WASF2: variants seen among roughly 807,000 people sequenced by gnomAD.
WASF2 encodes the protein actin-binding protein WASF2.
In WASF2, 14 loss-of-function variants were observed where a neutral mutation model predicts 45.0. The ratio of observed to expected loss-of-function variants is 0.31; its 90% CI spans 0.21 to 0.49. The LOEUF (loss-of-function observed/expected upper bound fraction) is 0.49, where lower values mean the gene tolerates loss of function less well. Ranked by LOEUF, WASF2 falls within the 20% of genes least tolerant of loss-of-function variation. WASF2 has a pLI of 0.99. For missense variants in WASF2, 439 were observed against 636.1 expected (o/e 0.69, Z 3.33); for synonymous variants, 200 against 236.3 (o/e 0.85, Z 1.41).
At chr1:27,445,407 A>G (rs369507583) in intron 1 of WASF2, among the ~76,000 whole-genome samples, 3 of 152,288 alleles carry the variant, frequency 2.0e-5, no homozygotes, top group African/African-American at 7.2e-5. Context: ...TCTATGCAAA[A>G]CACCCAAACT....
intron 1 of WASF2, among the ~76,000 whole-genome samples, 178 bp from the exon 2 acceptor site, chr1:27,429,111 CT>C (rs1175966693): frequency 6.7e-6 from 1 of 150,346 alleles, no homozygotes; most frequent in East Asian, 2.0e-4. Context: ...CTCCCTTGCC[CT>C]TTTTAAGGTT....
chr1:27,469,816 C>A (rs912986699), intron 1 of WASF2, among the ~76,000 whole-genome samples: 2 of 152,006 alleles, frequency 1.3e-5, no homozygotes, highest in South Asian at 2.1e-4. Context: ...GTGGTGTGCA[C>A]CTGTAGTCCC....
intron 2 of WASF2, among the ~76,000 whole-genome samples, chr1:27,427,766 T>C (rs1231342425): frequency 6.6e-6 from 1 of 152,158 alleles, no homozygotes; most frequent in Non-Finnish European, 1.5e-5. Context: ...CTGCCTTCAC[T>C]AAGGGCAGTG....
At chr1:27,440,207 G>T (rs938871189) in intron 1 of WASF2, among the ~76,000 whole-genome samples, 3 of 152,122 alleles carry the variant, frequency 2.0e-5, no homozygotes, top group Non-Finnish European at 2.9e-5. Flanking sequence ...GCCACTGATT[G>T]AAAGAGGCAT....
chr1:27,479,060 G>A (rs1463551995), intron 1 of WASF2, among the ~76,000 whole-genome samples: 1 of 152,018 alleles, frequency 6.6e-6, no homozygotes, highest in African/African-American at 2.4e-5. Context: ...GCCGAGGTGG[G>A]TGAATCACAA....
chr1:27,461,116 A>G (rs1442085770), intron 1 of WASF2, among the ~76,000 whole-genome samples: 4 of 152,196 alleles, frequency 2.6e-5, no homozygotes, highest in African/African-American at 9.6e-5. Flanking sequence ...ACTGCACTCC[A>G]GCCTGGGTGA....
chr1:27,412,755 G>C (rs758706369), intron 6 of WASF2, 28 bp from the exon 7 acceptor site: 4 of 1,612,946 alleles, frequency 2.5e-6, no homozygotes, highest in Admixed American at 1.7e-5. Context: ...GCCAAAAACT[G>C]TCATTTAAAG....
intron 1 of WASF2, among the ~76,000 whole-genome samples, chr1:27,471,917 A>C (rs546931989): frequency 5.3e-5 from 8 of 152,286 alleles, no homozygotes; most frequent in Non-Finnish European, 7.4e-5. Context: ...TTAGCGACCT[A>C]CCTAGTAGTT....
At chr1:27,484,648 A>T (rs984210529) in intron 1 of WASF2, among the ~76,000 whole-genome samples, 7 of 151,946 alleles carry the variant, frequency 4.6e-5, no homozygotes, top group African/African-American at 1.7e-4. Context: ...TCTACTAAAA[A>T]TACAAAACAA....
intron 2 of WASF2, among the ~76,000 whole-genome samples, chr1:27,422,483 T>C (rs1290489532): frequency 6.6e-6 from 1 of 151,266 alleles, no homozygotes; most frequent in Non-Finnish European, 1.5e-5. Context: ...GCCAGGCGTG[T>C]TGGTGGGCGC....
Position 27,410,068 on chromosome 1 carries a change from G to C in WASF2, c.963C>G (p.Ala321=). ...TCATTGGAGGCGGAGGTGGCGGAGG[G>C]GCAGGTGGTGGAGCAAACCCGGGTT... ...GPKPGFAPPP[A]PPPPPPPMIG... is the part of the protein sequence containing the mutation. Residue 321 remains alanine (A), a synonymous_variant, in exon 8 of 9, where the codon GCC becomes GCG. Transcript: ENST00000618852. The surrounding 1 kb of genome is among the most constrained non-coding windows in gnomAD (Gnocchi z 4.2). 6 of 1,613,158 alleles carry C rather than the reference G, an allele frequency of 3.7e-6. No homozygotes were observed. Among genetic ancestry groups the C allele is most frequent in the Non-Finnish European group, 5.1e-6 (6 of 1,179,494 alleles).
chr1:27,454,133 ATATGTGTG>A (rs2017425196), intron 1 of WASF2, among the ~76,000 whole-genome samples: 1 of 6,728 alleles, frequency 1.5e-4, no homozygotes, highest in African/African-American at 3.0e-4. Context: ...GTGTATATAT[ATATGTGTG>A]TGTGTGTGTG....
At position 27,404,259 on chromosome 1, in the gene WASF2, T is replaced by G. The variant is rs2016630412; in HGVS notation, c.*3930A>C. 1 of 152,226 alleles carries G rather than the reference T, an allele frequency of 6.6e-6. No individual in the cohort carries two copies. The highest frequency in any genetic ancestry group is 1.5e-5 in the Non-Finnish European group (1 of 68,050). 9.4% of individuals were successfully genotyped at this position (152,226 alleles called of 1,614,324 possible). A position where few individuals can be genotyped will look rare whatever the true frequency, so the allele number is the denominator to read the frequency against. On this transcript the variant is annotated 3_prime_UTR_variant, in exon 9 of 9. Transcript: ENST00000618852. ...TGGCTACAAAGACTTTATCAAATTA[T>G]TTTAAATGTTGGCATTTAAGTATTC...
chr1:27,428,450 G>C (rs896396770), intron 2 of WASF2, among the ~76,000 whole-genome samples: 1 of 152,196 alleles, frequency 6.6e-6, no homozygotes, highest in Non-Finnish European at 1.5e-5. Context: ...TACACACACA[G>C]AATTCTGCTC....
In WASF2 at chr1:27,428,980, G is replaced by A. The variant is rs2017024822; in HGVS notation, c.-43-47C>T. On this transcript the variant is annotated intron_variant, in intron 1 of 8. Transcript: ENST00000618852. The stretch of plus-strand genomic sequence containing the variant: ...AGTATTACTCAACCACAAATTCCAG[G>A]CACACTAGGGCTGTGTGAATCTTTT... 4 of 1,428,328 alleles carry A rather than the reference G, an allele frequency of 2.8e-6. No homozygotes were observed. The South Asian group carries it at 4.9e-5, about 18-fold the overall frequency. The allele number at this position is 1,428,328 out of a possible 1,614,324, so 88.5% of individuals were successfully genotyped here.
intron 2 of WASF2, among the ~76,000 whole-genome samples, chr1:27,427,432 CAG>C (rs1385729278): frequency 1.3e-5 from 2 of 152,186 alleles, no homozygotes; most frequent in Non-Finnish European, 1.5e-5. Context: ...CAGAGAGAGA[CAG>C]AGAGAGGCAG....
In WASF2 at chr1:27,489,156, C is replaced by G. The variant is rs180850773; in HGVS notation, c.-44+830G>C. On this transcript the variant is annotated intron_variant, in intron 1 of 8. Coordinates refer to ENST00000618852, the MANE Select transcript of WASF2 (RefSeq NM_006990.5). The stretch of plus-strand genomic sequence containing the variant: ...TCCTGGAGAACCAAGAGGACCCCAG[C>G]TCACCCCATCATGGTCTGGGTAGCA... Among the ~76,000 whole-genome samples, 4 of 152,002 alleles carry G rather than the reference C, an allele frequency of 2.6e-5. No homozygotes were observed. In the East Asian group the frequency reaches 7.8e-4, roughly 29 times the overall value.
chr1:27,426,604 G>C (rs778252077), intron 2 of WASF2, among the ~76,000 whole-genome samples: 11 of 150,954 alleles, frequency 7.3e-5, no homozygotes, highest in East Asian at 1.9e-4. Flanking sequence ...TCCGCCTCCC[G>C]GATTCAAGCG....
chr1:27,482,507 A>G (rs1381848885), intron 1 of WASF2, among the ~76,000 whole-genome samples: 1 of 152,220 alleles, frequency 6.6e-6, no homozygotes, highest in African/African-American at 2.4e-5. Flanking sequence ...CTTTTCAGCT[A>G]TGAGCTTTTC....
Sources: gnomAD v4.1 joint callset for allele counts (sites outside exome capture counted in the v4.1 genomes callset) on GRCh38, gnomAD v4.1.1 for gene constraint, Gnocchi (gnomAD v3.1) non-coding constraint, MANE v1.5 for transcripts, NCBI Gene and HGNC (gene_info 2026-07-23, HGNC 2026-07-21) for gene names.